The following RALA variants were observed in gnomAD, a reference collection of about 807,000 sequenced individuals.
RALA encodes the protein RAS like proto-oncogene A.
A neutral mutation model predicts 24.0 loss-of-function variants in RALA; 5 were observed. That is an observed-to-expected ratio of 0.21 (90% CI 0.11 to 0.44). The LOEUF (loss-of-function observed/expected upper bound fraction) is 0.44, where lower values mean the gene tolerates loss of function less well. Ranked by LOEUF, RALA falls within the 20% of genes least tolerant of loss-of-function variation. The pLI is 0.99. For synonymous variants in RALA, 77 were observed against 83.8 expected (o/e 0.92, Z 0.44); for missense variants, 95 against 241.2 (o/e 0.39, Z 4.01).
At chr7:39,647,696 G>A (rs1183199562) in intron 1 of RALA, among the ~76,000 whole-genome samples, 1 of 152,104 alleles carries the variant, frequency 6.6e-6, no homozygotes, top group Non-Finnish European at 1.5e-5. Context: ...AATGGAATTG[G>A]TGTCCTTATT....
intron 1 of RALA, among the ~76,000 whole-genome samples, chr7:39,645,535 T>G (rs1478555940): frequency 6.6e-6 from 1 of 152,230 alleles, no homozygotes; most frequent in African/African-American, 2.4e-5. Flanking sequence ...TATTTGAAAC[T>G]GATAAAAGTC....
chr7:39,626,753 A>T (rs1312310158), intron 1 of RALA, among the ~76,000 whole-genome samples: 2 of 152,166 alleles, frequency 1.3e-5, no homozygotes, highest in African/African-American at 4.8e-5. Flanking sequence ...GAATACCATA[A>T]ATCTATTTGT....
chr7:39,697,969 GTGTGTA>G (rs909688032), intron 4 of RALA, among the ~76,000 whole-genome samples: 3 of 138,504 alleles, frequency 2.2e-5, no homozygotes, highest in African/African-American at 5.3e-5. Context: ...GTGTGTGTGT[GTGTGTA>G]TGTGTGTGTA....
chr7:39,690,347 T>C, intron 2 of RALA, 35 bp from the exon 3 acceptor site: 4 of 1,541,348 alleles, frequency 2.6e-6, no homozygotes, highest in Non-Finnish European at 3.5e-6. Context: ...TGAAACGTAA[T>C]AATTAAAAAA....
chr7:39,694,301 ATG>A (rs1388400226), intron 3 of RALA, among the ~76,000 whole-genome samples: 1 of 152,238 alleles, frequency 6.6e-6, no homozygotes, highest in African/African-American at 2.4e-5. Flanking sequence ...AAATTTATAA[ATG>A]AAGAAACAGA....
intron 1 of RALA, among the ~76,000 whole-genome samples, chr7:39,654,004 G>C (rs188133281): frequency 1.2e-4 from 19 of 152,336 alleles, no homozygotes; most frequent in Admixed American, 7.2e-4. Flanking sequence ...AGCACTGATA[G>C]AAGTTATATC....
chr7:39,664,848 A>G (rs1792256457), intron 1 of RALA, among the ~76,000 whole-genome samples: 1 of 152,018 alleles, frequency 6.6e-6, no homozygotes, highest in African/African-American at 2.4e-5. Context: ...AGTCTGCTTG[A>G]TAGAGATCAA....
At chr7:39,646,472 A>T (rs1389300723) in intron 1 of RALA, among the ~76,000 whole-genome samples, 1 of 152,084 alleles carries the variant, frequency 6.6e-6, no homozygotes, top group South Asian at 2.1e-4. Flanking sequence ...AAATTTTTTT[A>T]AATGAGCCAG....
intron 1 of RALA, among the ~76,000 whole-genome samples, chr7:39,630,191 A>G (rs895542298): frequency 2.0e-5 from 3 of 147,924 alleles, no homozygotes; most frequent in Non-Finnish European, 4.5e-5. Flanking sequence ...TTATAGGTGC[A>G]TGCCACCATG....
At chr7:39,688,158 T>C (rs1792742196) in intron 2 of RALA, among the ~76,000 whole-genome samples, 1 of 152,150 alleles carries the variant, frequency 6.6e-6, no homozygotes, top group South Asian at 2.1e-4. Flanking sequence ...ATTAAAAAGT[T>C]TAGGGAAGGC....
At chr7:39,624,270 C>G (rs1436534898) in intron 1 of RALA, 1 of 151,588 alleles carries the variant, frequency 6.6e-6, no homozygotes, top group Non-Finnish European at 1.5e-5. Context: ...TTTTAAGCAT[C>G]TCCGCCAGGG....
intron 1 of RALA, among the ~76,000 whole-genome samples, chr7:39,632,274 G>C (rs538925413): frequency 6.6e-6 from 1 of 152,164 alleles, no homozygotes; most frequent in Non-Finnish European, 1.5e-5. Flanking sequence ...TGTGTCATCT[G>C]TAAATAGTTT....
chr7:39,705,199 T>TA (rs1365162537), intron 4 of RALA, among the ~76,000 whole-genome samples: 28 of 152,332 alleles, frequency 1.8e-4, no homozygotes, highest in African/African-American at 6.7e-4. Flanking sequence ...CTCCATCTGC[T>TA]ATTCTGTGCC....
chr7:39,660,209 G>C (rs1260528227), intron 1 of RALA, among the ~76,000 whole-genome samples: 1 of 151,984 alleles, frequency 6.6e-6, no homozygotes, highest in Non-Finnish European at 1.5e-5. Flanking sequence ...AGCCGGGTGT[G>C]GTGGTGTGCA....
intron 1 of RALA, among the ~76,000 whole-genome samples, chr7:39,631,234 C>A (rs997081611): frequency 6.6e-6 from 1 of 151,856 alleles, no homozygotes; most frequent in Non-Finnish European, 1.5e-5. Context: ...TCTCAAACTC[C>A]TGGCCTCAAG....
intron 1 of RALA, among the ~76,000 whole-genome samples, chr7:39,656,938 TTTTG>T (rs920549438): frequency 1.7e-4 from 26 of 151,982 alleles, no homozygotes; most frequent in Non-Finnish European, 1.6e-4. Flanking sequence ...TCTGTTCCAG[TTTTG>T]TTTGTTTGTT....
intron 1 of RALA, among the ~76,000 whole-genome samples, chr7:39,643,966 G>T (rs972625355): frequency 6.6e-6 from 1 of 152,194 alleles, no homozygotes; most frequent in African/African-American, 2.4e-5. Context: ...ATACTCCCCT[G>T]AATTCATAAT....
At chr7:39,701,935 G>C (rs1193247292) in intron 4 of RALA, among the ~76,000 whole-genome samples, 1 of 152,078 alleles carries the variant, frequency 6.6e-6, no homozygotes. Flanking sequence ...AAATGCTCTG[G>C]GTCTTAATTC....
chr7:39,632,942 G>T (rs62453644), intron 1 of RALA, among the ~76,000 whole-genome samples: 2 of 152,184 alleles, frequency 1.3e-5, no homozygotes, highest in Non-Finnish European at 2.9e-5. Context: ...CTGCTCCATG[G>T]TTTCTCAGTT....
Sources: allele counts gnomAD v4.1 joint callset (sites outside exome capture counted in the v4.1 genomes callset), GRCh38; gene constraint gnomAD v4.1.1; transcripts MANE v1.5; gene names NCBI Gene and HGNC (gene_info 2026-07-23, HGNC 2026-07-21).